Variants in RNF150 observed in about 807,000 individuals in gnomAD.
The protein encoded by RNF150 is ring finger protein 150.
A neutral mutation model predicts 39.3 loss-of-function variants in RNF150; 24 were observed. That is an observed-to-expected ratio of 0.61 (90% CI 0.44 to 0.86). The LOEUF (loss-of-function observed/expected upper bound fraction) is 0.86, where lower values mean the gene tolerates loss of function less well. Ranked by LOEUF, RNF150 falls within the 40% of genes least tolerant of loss-of-function variation. RNF150 has a pLI of 0.00. For missense variants in RNF150, 502 were observed against 587.8 expected (o/e 0.85, Z 1.51); for synonymous variants, 255 against 227.3 (o/e 1.12, Z -1.10).
intron 1 of RNF150, among the ~76,000 whole-genome samples, chr4:140,984,721 G>T (rs7676279): frequency 0.96 from 146,689 of 152,144 alleles, 70,936 homozygotes; most frequent in East Asian, 1. Flanking sequence ...ACTCTCACTT[G>T]GTGTGGGCCA....
chr4:141,078,591 C>T (rs1451293608), intron 1 of RNF150, among the ~76,000 whole-genome samples: 3 of 151,094 alleles, frequency 2.0e-5, no homozygotes, highest in Non-Finnish European at 4.4e-5. Context: ...ACCATCCTGG[C>T]CAACATGGTG....
intron 1 of RNF150, among the ~76,000 whole-genome samples, chr4:141,116,721 C>T (rs971730160): frequency 6.6e-6 from 1 of 152,114 alleles, no homozygotes; most frequent in Non-Finnish European, 1.5e-5. Flanking sequence ...TTCACAGTAG[C>T]AAAGACTTGG....
At chr4:141,028,361 G>C (rs151145990) in intron 1 of RNF150, among the ~76,000 whole-genome samples, 1 of 152,124 alleles carries the variant, frequency 6.6e-6, no homozygotes, top group African/African-American at 2.4e-5. Context: ...TTAAGGACTG[G>C]AGCATATCTC....
At chr4:140,934,826 C>A (rs893147406) in intron 4 of RNF150, among the ~76,000 whole-genome samples, 3 of 150,786 alleles carry the variant, frequency 2.0e-5, no homozygotes, top group African/African-American at 7.3e-5. Flanking sequence ...TACTTTGGGC[C>A]CTGGGACCAA....
chr4:141,066,249 A>T (rs944907702), intron 1 of RNF150, among the ~76,000 whole-genome samples: 2 of 152,164 alleles, frequency 1.3e-5, no homozygotes, highest in African/African-American at 4.8e-5. Flanking sequence ...GCGAAAAAAA[A>T]AAAACCATTC....
intron 5 of RNF150, among the ~76,000 whole-genome samples, chr4:140,925,555 G>A (rs1016511038): frequency 1.3e-5 from 2 of 152,100 alleles, no homozygotes; most frequent in Non-Finnish European, 2.9e-5. Context: ...GGAGGTGCTC[G>A]CTCCCTCTGA....
intron 1 of RNF150, among the ~76,000 whole-genome samples, chr4:141,204,961 T>C (rs1728351049): frequency 6.6e-6 from 1 of 152,202 alleles, no homozygotes; most frequent in South Asian, 2.1e-4. Flanking sequence ...TCTATTTCTA[T>C]AAATGCATGC....
At chr4:140,972,056 T>C (rs1223557174) in intron 1 of RNF150, among the ~76,000 whole-genome samples, 1 of 152,154 alleles carries the variant, frequency 6.6e-6, no homozygotes, top group Non-Finnish European at 1.5e-5. Flanking sequence ...ATTGTCCCAT[T>C]TGTAGATATT....
intron 6 of RNF150, among the ~76,000 whole-genome samples, chr4:140,869,806 T>C (rs979144606): frequency 2.0e-5 from 3 of 152,140 alleles, no homozygotes; most frequent in Non-Finnish European, 2.9e-5. Flanking sequence ...CAGGCAGATA[T>C]CAGAGGGTTT....
chr4:140,966,532 A>C (rs1204972059), intron 2 of RNF150, among the ~76,000 whole-genome samples: 1 of 152,120 alleles, frequency 6.6e-6, no homozygotes, highest in Non-Finnish European at 1.5e-5. Flanking sequence ...ACTCAATTGA[A>C]AAGAAGTCAA....
rs139905851 is a variant in RNF150, at chr4:141,071,866, G to T, written c.484+60459C>A. Among the ~76,000 whole-genome samples, 1,243 of 152,272 alleles carry T rather than the reference G, an allele frequency of 8.2e-3. 44 individuals carry two copies. Among genetic ancestry groups the T allele is most frequent in the Admixed American group, 0.049 (748 of 15,286 alleles). On this transcript the variant is annotated intron_variant, in intron 1 of 6. Coordinates refer to ENST00000515673, the MANE Select transcript of RNF150 (RefSeq NM_020724.2). ...GACCAAAAGCTATAATGCCAAGGCT[G>T]GCATTGTCAAGTCCTGGTAACATTT...
chr4:140,935,524 C>A (rs751657380), intron 4 of RNF150, among the ~76,000 whole-genome samples: 1 of 152,020 alleles, frequency 6.6e-6, no homozygotes, highest in South Asian at 2.1e-4. Flanking sequence ...TGTCCTAAGG[C>A]GACATTTGCT....
intron 1 of RNF150, among the ~76,000 whole-genome samples, chr4:140,977,710 T>C (rs1004547161): frequency 6.6e-6 from 1 of 152,214 alleles, no homozygotes; most frequent in African/African-American, 2.4e-5. Context: ...AGGTGGTCTA[T>C]AATTTAATTT....
intron 1 of RNF150, among the ~76,000 whole-genome samples, chr4:141,179,566 C>T (rs1727870531): frequency 6.6e-6 from 1 of 152,130 alleles, no homozygotes; most frequent in Non-Finnish European, 1.5e-5. Flanking sequence ...GCACTTTCAC[C>T]TTCTGTCACT....
intron 2 of RNF150, among the ~76,000 whole-genome samples, chr4:140,962,056 CTCTCTCTCT>C (rs149748420): frequency 8.5e-6 from 1 of 118,294 alleles, no homozygotes. Context: ...TAACATCTCT[CTCTCTCTCT>C]TCTCTCTCTC....
chr4:141,035,762 T>C (rs1478471556), intron 1 of RNF150, among the ~76,000 whole-genome samples: 3 of 152,136 alleles, frequency 2.0e-5, no homozygotes, highest in Non-Finnish European at 4.4e-5. Context: ...ATTAAAATAA[T>C]GGTATGTGGA....
At chr4:140,933,926 G>A (rs1731742544) in intron 4 of RNF150, among the ~76,000 whole-genome samples, 1 of 152,230 alleles carries the variant, frequency 6.6e-6, no homozygotes, top group African/African-American at 2.4e-5. Flanking sequence ...GTGCCACACT[G>A]TGGGGACAAT....
At chr4:141,139,196 A>ATT (rs1168118476) in intron 1 of RNF150, among the ~76,000 whole-genome samples, 1 of 152,130 alleles carries the variant, frequency 6.6e-6, no homozygotes, top group Non-Finnish European at 1.5e-5. Flanking sequence ...TCCAGCCTGG[A>ATT]TGATACAGCG....
intron 1 of RNF150, among the ~76,000 whole-genome samples, chr4:141,166,972 G>A (rs546967070): frequency 2.6e-5 from 4 of 152,006 alleles, no homozygotes; most frequent in African/African-American, 9.7e-5. Flanking sequence ...AGAAACAAAG[G>A]GTATTCAAAT....
Sources: allele counts gnomAD v4.1 joint callset (sites outside exome capture counted in the v4.1 genomes callset), GRCh38; gene constraint gnomAD v4.1.1; transcripts MANE v1.5; gene names NCBI Gene and HGNC (gene_info 2026-07-23, HGNC 2026-07-21).